The following ITGBL1 variants were observed in gnomAD, a reference collection of about 807,000 sequenced individuals.
The protein encoded by ITGBL1 is integrin subunit beta like 1.
Under a neutral mutation model 68.5 loss-of-function variants are expected in ITGBL1, and 51 were observed. The ratio of observed to expected loss-of-function variants is 0.74; its 90% CI spans 0.59 to 0.94. ITGBL1 has a LOEUF of 0.94. Among genes scored for constraint, ITGBL1 ranks in the 40% least tolerant of loss-of-function variants. ITGBL1 has a pLI of 0.00. For synonymous variants in ITGBL1, 209 were observed against 227.3 expected, an observed-to-expected ratio of 0.92 and a Z score of 0.72; for missense variants, 649 against 647.4, an observed-to-expected ratio of 1.00 and a Z score of -0.03.
intron 2 of ITGBL1, among the ~76,000 whole-genome samples, chr13:101,495,502 C>T (rs958923578): frequency 6.6e-6 from 1 of 152,108 alleles, no homozygotes; most frequent in African/African-American, 2.4e-5. Context: ...TTCACTGACT[C>T]CCCGGATTTA....
intron 2 of ITGBL1, among the ~76,000 whole-genome samples, chr13:101,562,238 A>T (rs2139238039): frequency 6.7e-6 from 1 of 150,222 alleles, no homozygotes; most frequent in Non-Finnish European, 1.5e-5. Flanking sequence ...AATAAAAAAT[A>T]ATGCTCAATA....
chr13:101,496,071 T>C (rs2048853579), intron 2 of ITGBL1, among the ~76,000 whole-genome samples: 1 of 152,212 alleles, frequency 6.6e-6, no homozygotes, highest in Non-Finnish European at 1.5e-5. Flanking sequence ...TTCTCACAGA[T>C]ACATATATTC....
At chr13:101,622,579 G>C (rs1368998899) in intron 7 of ITGBL1, among the ~76,000 whole-genome samples, 2 of 152,250 alleles carry the variant, frequency 1.3e-5, no homozygotes, top group East Asian at 3.9e-4. Context: ...TCCATGAGTA[G>C]TGTTGATTTT....
chr13:101,469,779 A>G (rs559579364), intron 2 of ITGBL1, among the ~76,000 whole-genome samples: 2 of 152,342 alleles, frequency 1.3e-5, no homozygotes, highest in African/African-American at 4.8e-5. Flanking sequence ...TTATTAAAAG[A>G]TAGTACAGTC....
intron 7 of ITGBL1, among the ~76,000 whole-genome samples, chr13:101,683,190 A>G (rs1295664973): frequency 6.6e-6 from 1 of 152,052 alleles, no homozygotes; most frequent in Non-Finnish European, 1.5e-5. Flanking sequence ...TGAAATCAGC[A>G]TACCCTCTCC....
chr13:101,573,779 C>T (rs2050310780), intron 3 of ITGBL1, among the ~76,000 whole-genome samples: 1 of 152,128 alleles, frequency 6.6e-6, no homozygotes, highest in Admixed American at 6.6e-5. Context: ...AGTTCATTCT[C>T]TTTCTAATAG....
intron 7 of ITGBL1, among the ~76,000 whole-genome samples, chr13:101,686,818 G>GT (rs1285804667): frequency 1.3e-5 from 2 of 151,712 alleles, no homozygotes; most frequent in African/African-American, 4.8e-5. Context: ...TCCAGAATTA[G>GT]TTTTACATAT....
intron 7 of ITGBL1, among the ~76,000 whole-genome samples, chr13:101,666,248 C>G (rs554663143): frequency 8.5e-5 from 13 of 152,192 alleles, no homozygotes; most frequent in African/African-American, 3.1e-4. Flanking sequence ...CTGAATGAAC[C>G]CTTTGTACTC....
chr13:101,641,643 T>C (rs2032375536), intron 7 of ITGBL1, among the ~76,000 whole-genome samples: 1 of 151,098 alleles, frequency 6.6e-6, no homozygotes, highest in Non-Finnish European at 1.5e-5. Context: ...ACATGTGCCA[T>C]GTTGGTGTGC....
At chr13:101,485,864 T>C (rs753336504) in intron 2 of ITGBL1, among the ~76,000 whole-genome samples, 1 of 152,090 alleles carries the variant, frequency 6.6e-6, no homozygotes, top group Non-Finnish European at 1.5e-5. Flanking sequence ...AGGGATGTGG[T>C]GAAAAGGGCA....
chr13:101,558,555 T>C (rs1006841601), intron 2 of ITGBL1, among the ~76,000 whole-genome samples: 1 of 152,180 alleles, frequency 6.6e-6, no homozygotes, highest in Non-Finnish European at 1.5e-5. Flanking sequence ...TCAAATCTAG[T>C]GGTCTTCCCT....
At position 101,620,048 on chromosome 13, in the gene ITGBL1, T is replaced by A. The variant is rs76278509; in HGVS notation, c.1015+21749T>A. On this transcript the variant is annotated intron_variant, in intron 7 of 10. Transcript: ENST00000376180. Reference sequence around the variant, plus strand: ...CACATTAACATATTTTAACCAAGCATAATATGCATTATATTCCGTCGTTTA... The same window carrying A: ...CACATTAACATATTTTAACCAAGCAAAATATGCATTATATTCCGTCGTTTA... Among the ~76,000 whole-genome samples, 1,417 of 152,332 alleles carry A rather than the reference T, an allele frequency of 9.3e-3. 23 individuals are homozygous for A. The highest frequency in any genetic ancestry group is 0.031 in the African/African-American group (1,294 of 41,572).
Position 101,706,767 on chromosome 13 carries a change from T to C in ITGBL1, c.1144T>C (p.Cys382Arg), listed in dbSNP as rs2034273113. The change falls in exon 9 of 11, where the codon TGT becomes CGT. Residue 382 changes from cysteine (C) to arginine (R), a missense_variant. By Grantham distance (180) the Cys-to-Arg change is radical (BLOSUM62 -3). Coordinates refer to ENST00000376180, the MANE Select transcript of ITGBL1 (RefSeq NM_004791.3). ...DGVVCGGHGT[C>R]SCGRCVCERG... Reference sequence around the variant, plus strand: ...TGGTTGCTTCACAGGCCACGGCACATGTTCCTGTGGTCGCTGTGTTTGTGA... The same window carrying C: ...TGGTTGCTTCACAGGCCACGGCACACGTTCCTGTGGTCGCTGTGTTTGTGA... 1.2e-6 allele frequency: 2 copies of C among 1,614,148 alleles called. No individual in the cohort carries two copies. Among genetic ancestry groups the C allele is most frequent in the Non-Finnish European group, 1.7e-6 (2 of 1,179,984 alleles).
At chr13:101,625,671 G>T (rs1400884897) in intron 7 of ITGBL1, among the ~76,000 whole-genome samples, 5 of 151,884 alleles carry the variant, frequency 3.3e-5, no homozygotes, top group Admixed American at 6.6e-5. Context: ...TCCTGCTTTA[G>T]CCTCCTGAGT....
At chr13:101,560,990 C>T (rs902469435) in intron 2 of ITGBL1, among the ~76,000 whole-genome samples, 2 of 152,124 alleles carry the variant, frequency 1.3e-5, no homozygotes, top group East Asian at 1.9e-4. Flanking sequence ...TAAAAATCCC[C>T]ATGTGTTTCT....
intron 2 of ITGBL1, among the ~76,000 whole-genome samples, chr13:101,487,414 A>G (rs2048716357): frequency 6.6e-6 from 1 of 152,250 alleles, no homozygotes; most frequent in Non-Finnish European, 1.5e-5. Flanking sequence ...TCATTAAAAA[A>G]AGAAAGTTAG....
At chr13:101,713,055 T>TA (rs1334029370) in intron 9 of ITGBL1, 2 of 152,244 alleles carry the variant, frequency 1.3e-5, no homozygotes, top group African/African-American at 4.8e-5. Context: ...CGCAAGAAGT[T>TA]AAAAAACACA....
intron 8 of ITGBL1, 65 bp from the exon 9 acceptor site, chr13:101,706,691 A>G: frequency 6.6e-7 from 1 of 1,524,698 alleles, no homozygotes. Context: ...TTTCTTTCTT[A>G]AAACTCTCTG....
At chr13:101,597,200 C>G (rs1225506390) in intron 6 of ITGBL1, among the ~76,000 whole-genome samples, 1 of 152,096 alleles carries the variant, frequency 6.6e-6, no homozygotes, top group Non-Finnish European at 1.5e-5. Context: ...CCGCATCTCT[C>G]TCAGTTTTGC....
Sources: allele counts gnomAD v4.1 joint callset (sites outside exome capture counted in the v4.1 genomes callset), GRCh38; gene constraint gnomAD v4.1.1; transcripts MANE v1.5; gene names NCBI Gene and HGNC (gene_info 2026-07-23, HGNC 2026-07-21).